The following CCDC88C variants were observed in gnomAD, a reference collection of about 807,000 sequenced individuals.
The protein encoded by CCDC88C is coiled-coil and HOOK domain protein 88C.
CCDC88C carries 131 observed loss-of-function variants against 198.8 expected under a neutral mutation model. The ratio of observed to expected loss-of-function variants is 0.66; its 90% CI spans 0.57 to 0.76. CCDC88C has a LOEUF of 0.76. CCDC88C is among the 30% of genes least tolerant of loss of function. CCDC88C has a pLI of 0.00. For synonymous variants in CCDC88C, 1,166 were observed against 1,114.7 expected, an observed-to-expected ratio of 1.05 and a Z score of -0.92; for missense variants, 2,553 against 2,631.6, an observed-to-expected ratio of 0.97 and a Z score of 0.65.
At chr14:91,275,178 C>T (rs1189481103) in intron 29 of CCDC88C, among the ~76,000 whole-genome samples, 1 of 152,122 alleles carries the variant, frequency 6.6e-6, no homozygotes, top group East Asian at 1.9e-4. Flanking sequence ...GGGGCTGGCT[C>T]GCTGCATGCC....
At chr14:91,279,127 TG>T in intron 28 of CCDC88C, 110 bp downstream of exon 28, 1 of 856,872 alleles carries the variant, frequency 1.2e-6, no homozygotes, top group Non-Finnish European at 1.9e-6. Flanking sequence ...TTCTAACTCC[TG>T]GGCTCAAGCG....
At chr14:91,343,754 T>C (rs1880147143) in intron 4 of CCDC88C, 97 bp from the exon 5 acceptor site, 14 of 1,396,318 alleles carry the variant, frequency 1.0e-5, no homozygotes, top group South Asian at 1.2e-5. Context: ...AAAAAAATCA[T>C]CTCTCTACTC....
chr14:91,348,408 G>C (rs1860493462), intron 4 of CCDC88C, among the ~76,000 whole-genome samples: 1 of 151,916 alleles, frequency 6.6e-6, no homozygotes, highest in Admixed American at 6.6e-5. Flanking sequence ...AGCCTGGGAG[G>C]GTGAAGCTGC....
At position 91,272,745 on chromosome 14, in the gene CCDC88C, A is replaced by T; in HGVS notation, c.5967T>A (p.Ala1989=). The T allele has an allele frequency of 6.2e-7, 1 of 1,609,024 alleles. No homozygotes were observed. The highest frequency in any genetic ancestry group is 1.1e-5 in the South Asian group (1 of 90,912). ...AKSPGRSPDL[A]PHLGRALEDC... is the part of the protein sequence containing the mutation. ...CCTCCAGGGCCCGGCCGAGGTGGGGAGCCAAATCGGGAGACCGACCTGGGC... is the reference window on the plus strand; with the variant it reads ...CCTCCAGGGCCCGGCCGAGGTGGGGTGCCAAATCGGGAGACCGACCTGGGC... The change falls in exon 30 of 30, where the codon GCT becomes GCA. Residue 1989 remains alanine (A), a synonymous_variant. Coordinates refer to ENST00000389857, the MANE Select transcript of CCDC88C (RefSeq NM_001080414.4).
At chr14:91,396,062 T>C (rs1596156045) in intron 3 of CCDC88C, among the ~76,000 whole-genome samples, 1 of 152,182 alleles carries the variant, frequency 6.6e-6, no homozygotes, top group South Asian at 2.1e-4. Context: ...ACGACAATTA[T>C]ATCGCGACAA....
intron 17 of CCDC88C, 81 bp from the exon 18 acceptor site, chr14:91,307,307 C>T: frequency 3.3e-6 from 4 of 1,203,178 alleles, no homozygotes; most frequent in South Asian, 1.2e-5. Flanking sequence ...TGAGGGCAAC[C>T]TGCACCACAC....
chr14:91,286,728 T>C (rs371501796), intron 25 of CCDC88C, among the ~76,000 whole-genome samples: 4 of 152,228 alleles, frequency 2.6e-5, no homozygotes, highest in African/African-American at 7.2e-5. Flanking sequence ...TTGTTCGGCA[T>C]CTTCAGGGAC....
intron 22 of CCDC88C, among the ~76,000 whole-genome samples, chr14:91,295,231 C>T (rs1013330730): frequency 1.3e-5 from 2 of 152,140 alleles, no homozygotes; most frequent in Non-Finnish European, 2.9e-5. Flanking sequence ...TATAATTATA[C>T]ATAATTTATG....
chr14:91,272,410 G>A lies in CCDC88C; in HGVS notation c.*215C>T, dbSNP rs935554643. On this transcript the variant is annotated 3_prime_UTR_variant, in exon 30 of 30. Coordinates refer to ENST00000389857, the MANE Select transcript of CCDC88C (RefSeq NM_001080414.4). ...TCCAAAGATATCAGCTGCTGGAAGC[G>A]GCAGACACAGAAAACACGTTACACA... The A allele has an allele frequency of 3.1e-5, 17 of 555,882 alleles. No individual in the cohort carries two copies. Among genetic ancestry groups the A allele is most frequent in the Middle Eastern group, 9.3e-4 (2 of 2,140 alleles). The allele number at this position is 555,882 out of a possible 1,614,324, so 34.4% of individuals were successfully genotyped here.
chr14:91,363,701 T>A (rs924200143), intron 3 of CCDC88C, among the ~76,000 whole-genome samples: 7 of 152,350 alleles, frequency 4.6e-5, no homozygotes, highest in Admixed American at 2.0e-4. Flanking sequence ...TTAAATGAAC[T>A]AAAATAAAAA....
At position 91,321,159 on chromosome 14, in the gene CCDC88C, G is replaced by C. The variant is rs904171948; in HGVS notation, c.1488C>G (p.Cys496Trp). 6.2e-7 allele frequency: 1 copy of C among 1,612,830 alleles called. No individual in the cohort carries two copies. Among genetic ancestry groups the C allele is most frequent in the Non-Finnish European group, 8.5e-7 (1 of 1,179,502 alleles). The change falls in exon 13 of 30, where the codon TGC (cysteine) becomes TGG (tryptophan). Residue 496 changes from cysteine (C) to tryptophan (W), a missense_variant. Cys to Trp is a radical substitution (Grantham distance 215). This residue lies in a region of CCDC88C where 1,260 missense variants were observed against 1,412.0 expected (regional missense o/e 0.89). Coordinates refer to ENST00000389857, the MANE Select transcript of CCDC88C (RefSeq NM_001080414.4). ...GGTGGTTCTCCTTCTCCAGCTCCCC[G>C]CACTTGAGGCCGCTCTCCTCCAACA... ...SLVLEESGLK[C>W]GELEKENHQL...
Position 91,342,407 on chromosome 14 carries a change from C to G in CCDC88C, c.456G>C (p.Gln152His). 6.3e-7 allele frequency: 1 copy of G among 1,596,902 alleles called. No individual in the cohort carries two copies. The highest frequency in any genetic ancestry group is 8.5e-7 in the Non-Finnish European group (1 of 1,171,686). ...CCTGGATATGGGCCACGATGCCAGC[C>G]TGGGTCTCAATGTCCAGCTGTTTGA... is the stretch of plus-strand genomic sequence containing the variant. ...ERIKQLDIET[Q>H]AGIVAHIQEV... is the part of the protein sequence containing the mutation. Residue 152 changes from glutamine to histidine, a missense_variant, in exon 6 of 30, where the codon CAG becomes CAC. Physicochemically the swap from Gln to His is conservative, Grantham distance 24. Transcript: ENST00000389857.
chr14:91,377,299 C>T (rs1884492853), intron 3 of CCDC88C, among the ~76,000 whole-genome samples: 1 of 152,188 alleles, frequency 6.6e-6, no homozygotes, highest in African/African-American at 2.4e-5. Context: ...CCGCGGAGCT[C>T]CCAGCCTGAG....
In CCDC88C at chr14:91,371,675, C is replaced by G. The variant is rs1894812399; in HGVS notation, c.271-11964G>C. On this transcript the variant is annotated intron_variant, in intron 3 of 29. Transcript: ENST00000389857. This position sits in a 1 kb window ranked among gnomAD's most constrained non-coding sequence, Gnocchi z 4.2. ...CCTCCCTAGCTCAGCAGAAGCAAGG[C>G]CTTCCTCGTCCCAGCAAGTAGCTGG... Among the ~76,000 whole-genome samples the G allele has an allele frequency of 6.6e-6, 1 of 152,176 alleles. No homozygotes were observed. The highest frequency in any genetic ancestry group is 2.4e-5 in the African/African-American group (1 of 41,434).
At chr14:91,370,644 G>A (rs1047411274) in intron 3 of CCDC88C, among the ~76,000 whole-genome samples, 1 of 152,178 alleles carries the variant, frequency 6.6e-6, no homozygotes, top group Non-Finnish European at 1.5e-5. Context: ...TTTACAAGAG[G>A]AATGCAAGCC....
chr14:91,403,418 C>T (rs912663124), intron 3 of CCDC88C, among the ~76,000 whole-genome samples: 5 of 152,318 alleles, frequency 3.3e-5, no homozygotes, highest in African/African-American at 9.6e-5. Context: ...CCAGACAAGG[C>T]GCCGGACTGA....
chr14:91,367,625 A>G (rs1894602600), intron 3 of CCDC88C, among the ~76,000 whole-genome samples: 1 of 152,156 alleles, frequency 6.6e-6, no homozygotes, highest in Non-Finnish European at 1.5e-5. Flanking sequence ...AGCACAGCAC[A>G]GGGAGTACTG....
At chr14:91,330,341 G>C (rs540786800) in intron 10 of CCDC88C, among the ~76,000 whole-genome samples, 1 of 152,340 alleles carries the variant, frequency 6.6e-6, no homozygotes, top group Admixed American at 6.5e-5. Context: ...AAAAGCACCA[G>C]GAGTCCTGGG....
intron 12 of CCDC88C, among the ~76,000 whole-genome samples, chr14:91,321,780 G>A (rs977783245): frequency 5.3e-5 from 8 of 152,172 alleles, no homozygotes; most frequent in Admixed American, 3.3e-4. Context: ...AACATGTGTC[G>A]GGCACTTGTC....
Sources: allele counts gnomAD v4.1 joint callset (sites outside exome capture counted in the v4.1 genomes callset), GRCh38; gene constraint gnomAD v4.1.1; regional missense constraint gnomAD v4.1.1; non-coding constraint Gnocchi (gnomAD v3.1); transcripts MANE v1.5; gene names NCBI Gene and HGNC (gene_info 2026-07-23, HGNC 2026-07-21).